PLTP: variants seen among roughly 807,000 people sequenced by gnomAD.
PLTP encodes the protein BPI fold containing family E.
PLTP carries 43 observed loss-of-function variants against 54.1 expected under a neutral mutation model. That is an observed-to-expected ratio of 0.79 (90% CI 0.62 to 1.02). The LOEUF is 1.02. Ranked by LOEUF, PLTP falls within the 50% of genes least tolerant of loss-of-function variation. PLTP has a pLI of 0.00. For synonymous variants in PLTP, 263 were observed against 264.6 expected (o/e 0.99, Z 0.06); for missense variants, 604 against 645.9 (o/e 0.94, Z 0.70).
chr20:45,906,375 C>T lies in PLTP; in HGVS notation c.614-16G>A, dbSNP rs753438354. 2.5e-6 allele frequency: 4 copies of T among 1,602,444 alleles called. No individual in the cohort carries two copies. The African/African-American group carries it at 4.0e-5, about 16-fold the overall frequency. Reference sequence around the variant, plus strand: ...GAACTGCGCACTGCAGGAAGGGGCTCAAGTCACTCACGGCTGTGTGATGTG... The same window carrying T: ...GAACTGCGCACTGCAGGAAGGGGCTTAAGTCACTCACGGCTGTGTGATGTG... On this transcript the variant is annotated splice_polypyrimidine_tract_variant and intron_variant, in intron 7 of 15. Coordinates refer to ENST00000372431, the MANE Select transcript of PLTP (RefSeq NM_006227.4).
At chr20:45,901,411 A>C (rs2083182732) in intron 12 of PLTP, among the ~76,000 whole-genome samples, 1 of 152,032 alleles carries the variant, frequency 6.6e-6, no homozygotes, top group Non-Finnish European at 1.5e-5. Flanking sequence ...CAGCCTGGAC[A>C]ACAAAGTGAG....
At chr20:45,901,899 CAAAA>C (rs5841613) in intron 12 of PLTP, among the ~76,000 whole-genome samples, 5 of 127,956 alleles carry the variant, frequency 3.9e-5, no homozygotes, top group Admixed American at 7.7e-5. Context: ...AACTCCTTCT[CAAAA>C]AAAAAAAAAA....
intron 10 of PLTP, among the ~76,000 whole-genome samples, chr20:45,903,560 C>T (rs1459515484): frequency 6.6e-6 from 1 of 152,080 alleles, no homozygotes; most frequent in East Asian, 1.9e-4. Context: ...GCTATGCCTT[C>T]TTCTATAGGC....
chr20:45,904,918 T>C, intron 9 of PLTP, 24 bp downstream of exon 9: 1 of 1,614,106 alleles, frequency 6.2e-7, no homozygotes, highest in Non-Finnish European at 8.5e-7. Context: ...CTCTTGCCCA[T>C]CCCACAAACA....
rs772926493 is a variant in PLTP at position 45,902,469 on chromosome 20, GC to G, written c.1077del (p.Gln359HisfsTer9). The G allele has an allele frequency of 1.9e-6, 3 of 1,614,104 alleles. No individual in the cohort carries two copies. Among genetic ancestry groups the G allele is most frequent in the Non-Finnish European group, 2.5e-6 (3 of 1,180,024 alleles). On this transcript the variant is annotated frameshift_variant, in exon 11 of 16. Transcript: ENST00000372431. LOFTEE classifies it high-confidence loss of function. ...SVTIALVPPD[Q>X]PEVQLSSMTM... Reference sequence around the variant, plus strand: ...GTCATGCTGGACAGCTGGACCTCAGGCTGGTCTGGTGGGACCAGGGCAATGG... The same window carrying G: ...GTCATGCTGGACAGCTGGACCTCAGGTGGTCTGGTGGGACCAGGGCAATGG...
intron 12 of PLTP, among the ~76,000 whole-genome samples, chr20:45,900,549 G>T (rs1189771852): frequency 2.6e-5 from 4 of 151,762 alleles, no homozygotes; most frequent in Non-Finnish European, 5.9e-5. Flanking sequence ...TTATTTTTGA[G>T]ACAGCGTCTC....
intron 12 of PLTP, among the ~76,000 whole-genome samples, chr20:45,901,971 G>A (rs540760158): frequency 1.3e-5 from 2 of 151,820 alleles, no homozygotes; most frequent in Admixed American, 1.3e-4. Flanking sequence ...AAGCTGTGTT[G>A]TGCTGAGGTT....
At chr20:45,902,661 A>G (rs2083198786) in intron 10 of PLTP, 57 bp from the exon 11 acceptor site, 2 of 1,508,164 alleles carry the variant, frequency 1.3e-6, no homozygotes, top group Non-Finnish European at 1.8e-6. Flanking sequence ...TGGAGCCCCC[A>G]GGGAAGAAGG....
At chr20:45,909,206 G>C (rs1016763372) in intron 5 of PLTP, among the ~76,000 whole-genome samples, 1 of 152,006 alleles carries the variant, frequency 6.6e-6, no homozygotes, top group East Asian at 1.9e-4. Flanking sequence ...CTTGTGATCC[G>C]CCCGCCCAGA....
chr20:45,900,872 A>G (rs953686230), intron 12 of PLTP, among the ~76,000 whole-genome samples: 3 of 152,224 alleles, frequency 2.0e-5, no homozygotes, highest in Non-Finnish European at 2.9e-5. Flanking sequence ...TTTAAAATAC[A>G]GTACCAACTG....
chr20:45,907,602 C>T, intron 7 of PLTP, 90 bp downstream of exon 7: 1 of 1,245,622 alleles, frequency 8.0e-7, no homozygotes, highest in Admixed American at 1.9e-5. Flanking sequence ...CATTTGAACC[C>T]AGGACTGTTC....
Position 45,902,135 on chromosome 20 carries a change from G to T in PLTP, c.1175+132C>A. 5.4e-6 allele frequency: 5 copies of T among 920,174 alleles called. 1 individual carries two copies. Among genetic ancestry groups the T allele is most frequent in the South Asian group, 4.2e-5 (3 of 71,616 alleles). 57.0% of individuals were successfully genotyped at this position (920,174 alleles called of 1,614,324 possible). A position where few individuals can be genotyped will look rare whatever the true frequency, so the allele number is the denominator to read the frequency against. On this transcript the variant is annotated intron_variant, in intron 12 of 15. Coordinates refer to ENST00000372431, the MANE Select transcript of PLTP (RefSeq NM_006227.4). ...GAGTCAGACTTTACCAAAGCACTTTGGCATGCATTAACAAAGACAGACCCC... is the reference window on the plus strand; with the variant it reads ...GAGTCAGACTTTACCAAAGCACTTTTGCATGCATTAACAAAGACAGACCCC...
In PLTP at chr20:45,909,560, C is replaced by G; in HGVS notation, c.441G>C (p.Gln147His). Reference sequence around the variant, plus strand: ...CCGCGTGCATTCTGGAGACAGAGGCCTGGCAGGAGACATTGGACACTTTCA... The same window carrying G: ...CCGCGTGCATTCTGGAGACAGAGGCGTGGCAGGAGACATTGGACACTTTCA... ...GRMKVSNVSCQASVSRMHAAF... is the reference protein window; with the variant it reads ...GRMKVSNVSCHASVSRMHAAF... Residue 147 changes from glutamine (Q) to histidine (H), a missense_variant, in exon 5 of 16, where the codon CAG becomes CAC. Gln to His is a conservative substitution (Grantham distance 24). Transcript: ENST00000372431. 1 of 1,614,210 alleles carries G rather than the reference C, an allele frequency of 6.2e-7. No individual in the cohort carries two copies. Among genetic ancestry groups the G allele is most frequent in the Non-Finnish European group, 8.5e-7 (1 of 1,180,046 alleles).
chr20:45,899,807 G>GGGCCCCCCCCCCCCCCCCCCC, intron 13 of PLTP, 29 bp downstream of exon 13: 4 of 1,369,430 alleles, frequency 2.9e-6, no homozygotes, highest in South Asian at 1.2e-5. Flanking sequence ...CACGAACCCA[G>GGGCCCCCCCCCCCCCCCCCCC]CCCAGCCCAC....
rs1306976670 is a variant in PLTP at position 45,911,186 on chromosome 20, C to A, written c.166G>T (p.Gly56Cys). Residue 56 changes from glycine (G) to cysteine (C), a missense_variant, in exon 3 of 16, where the codon GGC becomes TGC. Physicochemically the swap from Gly to Cys is radical, Grantham distance 159 (BLOSUM62 -3). Coordinates refer to ENST00000372431, the MANE Select transcript of PLTP (RefSeq NM_006227.4). Reference protein sequence around the residue: ...LETITIPDLRGKEGHFYYNIS... With the variant: ...LETITIPDLRCKEGHFYYNIS... ...TTGTAGTAGAAGTGGCCTTCTTTGC[C>A]CCGCAGGTCCGGAATGGTGATAGTC... The A allele has an allele frequency of 6.2e-7, 1 of 1,614,038 alleles. No individual in the cohort carries two copies. The highest frequency in any genetic ancestry group is 8.5e-7 in the Non-Finnish European group (1 of 1,180,018).
At position 45,902,448 on chromosome 20, in the gene PLTP, TGCTGGACAGCTGGACCTCAG is replaced by T. The variant is rs1333986612; in HGVS notation, c.1079_1098del (p.Pro360HisfsTer62). On this transcript the variant is annotated frameshift_variant, in exon 11 of 16. Coordinates refer to ENST00000372431, the MANE Select transcript of PLTP (RefSeq NM_006227.4). LOFTEE classifies it high-confidence loss of function. The stretch of plus-strand genomic sequence containing the variant: ...CACTCTGGGACCCGTACCATAGTCA[TGCTGGACAGCTGGACCTCAG>T]GCTGGTCTGGTGGGACCAGGGCAAT... 6.2e-7 allele frequency: 1 copy of T among 1,614,242 alleles called. No homozygotes were observed. The highest frequency in any genetic ancestry group is 1.6e-4 in the Middle Eastern group (1 of 6,062).
chr20:45,912,155 C>G lies in PLTP; in HGVS notation c.-88G>C, dbSNP rs994634586. On this transcript the variant is annotated 5_prime_UTR_variant, in exon 1 of 16. Coordinates refer to ENST00000372431, the MANE Select transcript of PLTP (RefSeq NM_006227.4). ...AGGGGATCCGGGCGACGGGGTCTGG[C>G]GGGCAGGGTTGTTCCAGCCGCCTTT... 2.8e-5 allele frequency: 4 copies of G among 145,430 alleles called. No homozygotes were observed. Among genetic ancestry groups the G allele is most frequent in the African/African-American group, 1.0e-4 (4 of 38,598 alleles). 9.0% of individuals were successfully genotyped at this position (145,430 alleles called of 1,614,324 possible). A position where few individuals can be genotyped will look rare whatever the true frequency, so the allele number is the denominator to read the frequency against.
In PLTP at chr20:45,911,399, C is replaced by T; in HGVS notation, c.54G>A (p.Glu18=). 3.1e-6 allele frequency: 5 copies of T among 1,610,118 alleles called. No homozygotes were observed. The South Asian group carries it at 3.3e-5, about 11-fold the overall frequency. ...FLALLAGAHA[E]FPGCKIRVTS... ...TGACGCGGATCTTGCAGCCTGGGAACTCTGCATGTGCGCCTGCCAGCAGCG... is the reference window on the plus strand; with the variant it reads ...TGACGCGGATCTTGCAGCCTGGGAATTCTGCATGTGCGCCTGCCAGCAGCG... The change falls in exon 2 of 16, where the codon GAG becomes GAA. Residue 18 remains glutamate, a synonymous_variant. Coordinates refer to ENST00000372431, the MANE Select transcript of PLTP (RefSeq NM_006227.4).
chr20:45,899,940 C>A, intron 12 of PLTP, 62 bp from the exon 13 acceptor site: 2 of 1,400,126 alleles, frequency 1.4e-6, no homozygotes, highest in Non-Finnish European at 2.0e-6. Context: ...CTCAGGCCAC[C>A]CAGGCCTACC....
Sources: gnomAD v4.1 joint callset for allele counts (sites outside exome capture counted in the v4.1 genomes callset) on GRCh38, gnomAD v4.1.1 for gene constraint, MANE v1.5 for transcripts, NCBI Gene and HGNC (gene_info 2026-07-23, HGNC 2026-07-21) for gene names.